Variants in TRIM69 observed in about 807,000 individuals in gnomAD.
TRIM69 encodes the protein tripartite motif containing 69.
Under a neutral mutation model 37.7 loss-of-function variants are expected in TRIM69, and 29 were observed. That is an observed-to-expected ratio of 0.77 (90% CI 0.57 to 1.05). The LOEUF (loss-of-function observed/expected upper bound fraction) is 1.05. Among genes scored for constraint, TRIM69 ranks in the 50% least tolerant of loss-of-function variants. The pLI, the probability that TRIM69 is intolerant of heterozygous loss-of-function variation, is 0.00. For missense variants in TRIM69, 596 were observed against 579.9 expected (o/e 1.03, Z -0.28); for synonymous variants, 209 against 212.4 (o/e 0.98, Z 0.14).
intron 1 of TRIM69, among the ~76,000 whole-genome samples, chr15:44,745,202 G>C (rs1269075392): frequency 1.3e-5 from 2 of 152,084 alleles, no homozygotes; most frequent in Non-Finnish European, 2.9e-5. Context: ...CATATACGAA[G>C]CCCATTTACA....
At chr15:44,756,099 C>G (rs182830502) in intron 2 of TRIM69, among the ~76,000 whole-genome samples, 4 of 151,824 alleles carry the variant, frequency 2.6e-5, no homozygotes, top group Admixed American at 1.3e-4. Flanking sequence ...ACTATGTTGC[C>G]CAGGCTGGTC....
intron 1 of TRIM69, among the ~76,000 whole-genome samples, chr15:44,751,774 C>T (rs2444006): frequency 0.025 from 3,831 of 152,182 alleles, 149 homozygotes; most frequent in African/African-American, 0.088. Flanking sequence ...GAGACAGGGT[C>T]TTGTTTTGTC....
chr15:44,748,454 GC>G (rs151100450), intron 1 of TRIM69, among the ~76,000 whole-genome samples: 4,734 of 152,208 alleles, frequency 0.031, 109 homozygotes, highest in South Asian at 0.082. Flanking sequence ...ACTTCTGGTG[GC>G]TATTCATCAA....
At chr15:44,749,082 G>T (rs2087468247) in intron 1 of TRIM69, among the ~76,000 whole-genome samples, 1 of 151,930 alleles carries the variant, frequency 6.6e-6, no homozygotes, top group African/African-American at 2.4e-5. Context: ...TAGAGACAGG[G>T]TTTCACCATG....
rs2087614810 is a variant in TRIM69, at chr15:44,755,070, C to T, written c.177C>T (p.Asn59=). The part of the protein sequence containing the change: ...RDPLMLSCGH[N]FCEACIQDFW... ...CACTGATGCTAAGCTGTGGCCACAA[C>T]TTCTGTGAAGCCTGTATCCAAGACT... The change falls in exon 2 of 7, where the codon AAC becomes AAT. Residue 59 remains asparagine (N), a synonymous_variant. Transcript: ENST00000329464. 1 of 1,614,118 alleles carries T rather than the reference C, an allele frequency of 6.2e-7. No individual in the cohort carries two copies. The highest frequency in any genetic ancestry group is 8.5e-7 in the Non-Finnish European group (1 of 1,180,050).
chr15:44,758,819 A>T lies in TRIM69; in HGVS notation c.778A>T (p.Lys260Ter). The change falls in exon 4 of 7, where the codon AAG (lysine) becomes TAG (stop). Residue 260 changes from lysine (K) to a stop codon, truncating the protein, a stop_gained. Coordinates refer to ENST00000329464, the MANE Select transcript of TRIM69 (RefSeq NM_182985.5). LOFTEE classifies it high-confidence loss of function. ...AKDMLVSIQA[K>*]TEQQNSFDFL... ...GGATATGTTGGTGAGCATTCAGGCAAAGACGGAACAACAGAACTCCTTCGA... is the reference window on the plus strand; with the variant it reads ...GGATATGTTGGTGAGCATTCAGGCATAGACGGAACAACAGAACTCCTTCGA... 1 of 1,613,980 alleles carries T rather than the reference A, an allele frequency of 6.2e-7. No homozygotes were observed. Among genetic ancestry groups the T allele is most frequent in the Non-Finnish European group, 8.5e-7 (1 of 1,179,948 alleles).
chr15:44,737,846 GA>G (rs1313407402), intron 1 of TRIM69, among the ~76,000 whole-genome samples: 1 of 151,980 alleles, frequency 6.6e-6, no homozygotes, highest in Non-Finnish European at 1.5e-5. Context: ...AATAAAGGTT[GA>G]AAAGCAACAA....
chr15:44,736,550 C>A lies in TRIM69; in HGVS notation c.-155C>A. The A allele has an allele frequency of 1.4e-6, 1 of 735,286 alleles. No homozygotes were observed. The highest frequency in any genetic ancestry group is 2.1e-6 in the Non-Finnish European group (1 of 475,812). 45.5% of individuals were successfully genotyped at this position (735,286 alleles called of 1,614,324 possible). The stretch of plus-strand genomic sequence containing the variant: ...GCCAGACCTCACTCTGGCCTTGCTG[C>A]TTCTCTCCAGCTCCTGAACTTTTCT... On this transcript the variant is annotated 5_prime_UTR_variant, in exon 1 of 7. Transcript: ENST00000329464.
intron 1 of TRIM69, among the ~76,000 whole-genome samples, chr15:44,743,952 C>T (rs939420528): frequency 6.6e-6 from 1 of 152,162 alleles, no homozygotes; most frequent in African/African-American, 2.4e-5. Flanking sequence ...AATCCCATTA[C>T]AGGGTATATA....
Position 44,767,670 on chromosome 15 carries a change from C to T in TRIM69, c.1401C>T (p.Thr467=). 1 of 1,614,140 alleles carries T rather than the reference C, an allele frequency of 6.2e-7. No individual in the cohort carries two copies. The highest frequency in any genetic ancestry group is 2.2e-5 in the East Asian group (1 of 44,886). Residue 467 remains threonine (T), a synonymous_variant, in exon 7 of 7, where the codon ACC becomes ACT. Transcript: ENST00000329464. ...YNAKTMTHIY[T]FSNTFMEKLY... ...CTAAAACCATGACTCACATTTACAC[C>T]TTCAGTAACACTTTCATGGAGAAAC...
intron 1 of TRIM69, 145 bp downstream of exon 1, chr15:44,736,855 T>C (rs1237957701): frequency 8.1e-6 from 7 of 867,364 alleles, no homozygotes; most frequent in Non-Finnish European, 1.2e-5. Context: ...GTAGCTACTA[T>C]ACTCTCTCCA....
chr15:44,736,754 A>G, intron 1 of TRIM69, 44 bp downstream of exon 1: 1 of 1,604,192 alleles, frequency 6.2e-7, no homozygotes, highest in Non-Finnish European at 8.5e-7. Flanking sequence ...GCTTCTAGGA[A>G]TAGTGTGGAA....
intron 2 of TRIM69, 82 bp from the exon 3 acceptor site, chr15:44,756,286 A>T: frequency 1.1e-6 from 1 of 936,692 alleles, no homozygotes. Flanking sequence ...TTTTTCTTGC[A>T]CACTGGGGCC....
rs869059418 is a variant in TRIM69 at position 44,750,715 on chromosome 15, C to CTTTT, written c.7-4161_7-4158dup. Among the ~76,000 whole-genome samples, 371 of 102,840 alleles carry CTTTT rather than the reference C, an allele frequency of 3.6e-3. 142 individuals are homozygous for CTTTT. Among genetic ancestry groups the CTTTT allele is most frequent in the African/African-American group, 0.014 (356 of 25,904 alleles). The allele number at this position is 102,840 out of a possible 152,430, so 67.5% of individuals were successfully genotyped here. A position where few individuals can be genotyped will look rare whatever the true frequency, so the allele number is the denominator to read the frequency against. ...TCGCATTTTTATTTCATTACTTTTT[C>CTTTT]TTTTTTTTTTTTTTTTTTTTTTTTT... On this transcript the variant is annotated intron_variant, in intron 1 of 6. Coordinates refer to ENST00000329464, the MANE Select transcript of TRIM69 (RefSeq NM_182985.5).
rs182566873 is a variant in TRIM69, at chr15:44,744,775, T to C, written c.6+8065T>C. ...CAAAGAACTGTGGCTTTGACCTGTC[T>C]GGTGCTTCCATGAAGTATTACATAA... On this transcript the variant is annotated intron_variant, in intron 1 of 6. Transcript: ENST00000329464. Among the ~76,000 whole-genome samples the C allele has an allele frequency of 3.0e-3, 450 of 152,312 alleles. 4 individuals carry two copies. Among genetic ancestry groups the C allele is most frequent in the African/African-American group, 0.01 (432 of 41,568 alleles).
In TRIM69 at chr15:44,758,742, A is replaced by G; in HGVS notation, c.701A>G (p.Glu234Gly). 1 of 1,614,220 alleles carries G rather than the reference A, an allele frequency of 6.2e-7. No homozygotes were observed. The highest frequency in any genetic ancestry group is 1.1e-5 in the South Asian group (1 of 91,082). Residue 234 changes from glutamate (E) to glycine (G), a missense_variant, in exon 4 of 7, where the codon GAG becomes GGG. Transcript: ENST00000329464. ...CGGGAAGAGGGGAAAGCCTTGAATG[A>G]GGAGATGGAGTTGAATCTGAGCCAG... ...ELREEGKALN[E>G]EMELNLSQLQ... is the part of the protein sequence containing the mutation.
intron 1 of TRIM69, among the ~76,000 whole-genome samples, chr15:44,741,922 A>C (rs1055316865): frequency 6.6e-6 from 1 of 152,260 alleles, no homozygotes; most frequent in Non-Finnish European, 1.5e-5. Context: ...TTCTGAAGCT[A>C]TTCCAATCAA....
At chr15:44,744,006 T>C (rs1256536207) in intron 1 of TRIM69, among the ~76,000 whole-genome samples, 14 of 152,076 alleles carry the variant, frequency 9.2e-5, no homozygotes, top group African/African-American at 2.2e-4. Context: ...CACATGCACA[T>C]GTATGTTTAT....
At chr15:44,767,019 A>C (rs1018701865) in intron 6 of TRIM69, among the ~76,000 whole-genome samples, 3 of 126,006 alleles carry the variant, frequency 2.4e-5, no homozygotes, top group Non-Finnish European at 4.8e-5. Context: ...AGATCGCACC[A>C]CTGCACTCCA....
Sources: allele counts gnomAD v4.1 joint callset (sites outside exome capture counted in the v4.1 genomes callset), GRCh38; gene constraint gnomAD v4.1.1; transcripts MANE v1.5; gene names NCBI Gene and HGNC (gene_info 2026-07-23, HGNC 2026-07-21).